The following SKAP1 variants were observed in gnomAD, a reference collection of about 807,000 sequenced individuals.
SKAP1 encodes the protein src kinase-associated phosphoprotein 1.
A neutral mutation model predicts 58.5 loss-of-function variants in SKAP1; 44 were observed. The ratio of observed to expected loss-of-function variants is 0.75; its 90% CI spans 0.59 to 0.97. SKAP1 has a LOEUF of 0.97. SKAP1 is among the 50% of genes least tolerant of loss of function. The probability of loss-of-function intolerance (pLI) is 0.00; values close to 1 mark genes in which losing one functional copy is unlikely to be tolerated. For synonymous variants in SKAP1, 127 were observed against 149.7 expected, an observed-to-expected ratio of 0.85 and a Z score of 1.11; for missense variants, 390 against 435.2, an observed-to-expected ratio of 0.90 and a Z score of 0.92.
chr17:48,428,680 T>C (rs753853351), intron 1 of SKAP1, among the ~76,000 whole-genome samples: 13 of 152,236 alleles, frequency 8.5e-5, no homozygotes, highest in Non-Finnish European at 1.8e-4. Context: ...AGTTTATATA[T>C]TTCAATGCAA....
chr17:48,283,486 A>G (rs1244307691), intron 4 of SKAP1, among the ~76,000 whole-genome samples: 1 of 152,242 alleles, frequency 6.6e-6, no homozygotes, highest in South Asian at 2.1e-4. Flanking sequence ...CTCTGACTCT[A>G]GGTGCTTATA....
intron 4 of SKAP1, among the ~76,000 whole-genome samples, chr17:48,274,583 C>A (rs60894459): frequency 6.6e-6 from 1 of 151,972 alleles, no homozygotes; most frequent in African/African-American, 2.4e-5. Flanking sequence ...GTAATCCCAG[C>A]TGCTCAGAAG....
At chr17:48,260,658 A>G (rs954521366) in intron 4 of SKAP1, among the ~76,000 whole-genome samples, 2 of 152,168 alleles carry the variant, frequency 1.3e-5, no homozygotes, top group African/African-American at 4.8e-5. Context: ...TATACATGGA[A>G]AGAAACAGGT....
intron 4 of SKAP1, among the ~76,000 whole-genome samples, chr17:48,190,456 A>C (rs2064526060): frequency 1.3e-5 from 2 of 152,136 alleles, no homozygotes; most frequent in African/African-American, 4.8e-5. Flanking sequence ...AGTTGGATAA[A>C]CCTCACTGAG....
At chr17:48,249,697 A>G (rs1248335094) in intron 4 of SKAP1, among the ~76,000 whole-genome samples, 1 of 151,986 alleles carries the variant, frequency 6.6e-6, no homozygotes, top group Non-Finnish European at 1.5e-5. Context: ...AGCCCCCCGC[A>G]AAAACCACTT....
chr17:48,283,663 A>G (rs1178484317), intron 4 of SKAP1, among the ~76,000 whole-genome samples: 1 of 152,160 alleles, frequency 6.6e-6, no homozygotes, highest in Non-Finnish European at 1.5e-5. Flanking sequence ...GTGGTGGTGG[A>G]TAGATTCCTC....
At chr17:48,349,036 T>C (rs1430300728) in intron 3 of SKAP1, among the ~76,000 whole-genome samples, 1 of 152,240 alleles carries the variant, frequency 6.6e-6, no homozygotes, top group South Asian at 2.1e-4. Flanking sequence ...TTTAGTGTCA[T>C]ATCAAGTGAC....
chr17:48,301,810 C>G (rs1017430199), intron 4 of SKAP1, among the ~76,000 whole-genome samples: 3 of 152,140 alleles, frequency 2.0e-5, no homozygotes, highest in Non-Finnish European at 4.4e-5. Flanking sequence ...CCTTATGGTC[C>G]CCTGGCTCCT....
At chr17:48,277,631 G>T (rs946908181) in intron 4 of SKAP1, among the ~76,000 whole-genome samples, 2 of 152,090 alleles carry the variant, frequency 1.3e-5, no homozygotes, top group East Asian at 3.8e-4. Context: ...TTTAACAAAC[G>T]TCATAGAAAA....
At chr17:48,158,581 A>AAAG (rs2064022800) in intron 11 of SKAP1, among the ~76,000 whole-genome samples, 1 of 148,582 alleles carries the variant, frequency 6.7e-6, no homozygotes. Context: ...AAAAAAAAAA[A>AAAG]AAAGAAAAAA....
intron 4 of SKAP1, among the ~76,000 whole-genome samples, chr17:48,242,485 A>G (rs941607943): frequency 3.3e-5 from 5 of 152,184 alleles, no homozygotes; most frequent in Non-Finnish European, 5.9e-5. Flanking sequence ...TGGCTCGCAT[A>G]AAAGCAATGT....
At chr17:48,184,693 A>G (rs1419748697) in intron 7 of SKAP1, 30 bp downstream of exon 7, 1 of 1,613,752 alleles carries the variant, frequency 6.2e-7, no homozygotes. Context: ...CAACACCAAG[A>G]AGGATCACCA....
intron 4 of SKAP1, among the ~76,000 whole-genome samples, chr17:48,270,768 A>T (rs747005234): frequency 6.6e-6 from 1 of 152,166 alleles, no homozygotes; most frequent in Non-Finnish European, 1.5e-5. Context: ...GTAGATTGTT[A>T]TCATTGTGTT....
At position 48,430,127 on chromosome 17, in the gene SKAP1, G is replaced by GGGCGGGAGAGA. The variant is rs768248358; in HGVS notation, c.-18_-8dup. On this transcript the variant is annotated 5_prime_UTR_variant, in exon 1 of 13. Transcript: ENST00000336915. ...GGAGGGCGGCGGCCTGCATTTGGCT[G>GGGCGGGAGAGA]GGCGGGAGAGAGGCGGGACGGGGCG... 4 of 1,261,848 alleles carry GGGCGGGAGAGA rather than the reference G, an allele frequency of 3.2e-6. No homozygotes were observed. The highest frequency in any genetic ancestry group is 8.4e-5 in the Admixed American group (2 of 23,932). The allele number at this position is 1,261,848 out of a possible 1,614,324, so 78.2% of individuals were successfully genotyped here. A position where few individuals can be genotyped will look rare whatever the true frequency, so the allele number is the denominator to read the frequency against.
intron 11 of SKAP1, chr17:48,156,416 G>A (rs373352484): frequency 4.0e-6 from 2 of 505,070 alleles, no homozygotes; most frequent in Non-Finnish European, 8.2e-6. Flanking sequence ...CATTGGTTAC[G>A]TATGAGGAGA....
intron 4 of SKAP1, among the ~76,000 whole-genome samples, chr17:48,345,431 G>A (rs1343551821): frequency 1.3e-5 from 2 of 152,012 alleles, no homozygotes; most frequent in Non-Finnish European, 2.9e-5. Flanking sequence ...TATGGTCAGG[G>A]GTATGTGAGA....
At chr17:48,266,761 C>T (rs962381642) in intron 4 of SKAP1, among the ~76,000 whole-genome samples, 6 of 152,114 alleles carry the variant, frequency 3.9e-5, no homozygotes, top group South Asian at 2.1e-4. Flanking sequence ...CCACCAGCCT[C>T]GGCCTCCCAA....
intron 12 of SKAP1, chr17:48,136,926 C>T (rs914783433): frequency 1.8e-5 from 4 of 217,646 alleles, no homozygotes; most frequent in Admixed American, 5.2e-5. Flanking sequence ...ACCTCGGCCT[C>T]CTAAAGTGCT....
chr17:48,312,345 G>A (rs2066233730), intron 4 of SKAP1, among the ~76,000 whole-genome samples: 1 of 152,136 alleles, frequency 6.6e-6, no homozygotes, highest in Non-Finnish European at 1.5e-5. Context: ...TAAGTAATTT[G>A]TTTTCTTGCA....
Sources: gnomAD v4.1 joint callset for allele counts (sites outside exome capture counted in the v4.1 genomes callset) on GRCh38, gnomAD v4.1.1 for gene constraint, MANE v1.5 for transcripts, NCBI Gene and HGNC (gene_info 2026-07-23, HGNC 2026-07-21) for gene names.